SMAD6: variants seen among roughly 807,000 people sequenced by gnomAD.
The protein encoded by SMAD6 is SMAD family member 6, also known as MAD homolog 6.
Under a neutral mutation model 39.4 loss-of-function variants are expected in SMAD6, and 103 were observed. The ratio of observed to expected loss-of-function variants is 2.62; its 90% CI spans 2.23 to 3.08. SMAD6 has a LOEUF of 3.08. SMAD6 is among the 30% of genes most tolerant of loss of function. The pLI is 0.00. For missense variants in SMAD6, 1,104 were observed against 742.9 expected (o/e 1.49, Z -5.65); for synonymous variants, 445 against 353.3 (o/e 1.26, Z -2.91).
chr15:66,716,450 G>A lies in SMAD6; in HGVS notation c.904G>A (p.Glu302Lys), dbSNP rs755784409. Residue 302 changes from glutamate (E) to lysine (K), a missense_variant, in exon 3 of 4, where the codon GAA becomes AAA. By Grantham distance (56) the Glu-to-Lys change is moderately conservative. Coordinates refer to ENST00000288840, the MANE Select transcript of SMAD6 (RefSeq NM_005585.5). ...GTCCGATTCCACATTGTCTTACACT[G>A]AAACGGAGGCTACCAACTCCCTCAT... is the stretch of plus-strand genomic sequence containing the variant. ...DLSDSTLSYT[E>K]TEATNSLITA... is the part of the protein sequence containing the mutation. 6.2e-6 allele frequency: 10 copies of A among 1,613,850 alleles called. No individual in the cohort carries two copies. The African/African-American group carries it at 1.2e-4, about 19-fold the overall frequency.
In SMAD6 at chr15:66,781,075, G is replaced by T. The variant is rs2140681275; in HGVS notation, c.1031G>T (p.Gly344Val). The T allele has an allele frequency of 6.2e-7, 1 of 1,605,970 alleles. No homozygotes were observed. Among genetic ancestry groups the T allele is most frequent in the Non-Finnish European group, 8.5e-7 (1 of 1,178,980 alleles). ...TACTGGGAGCACCGGACGCGCGTGG[G>T]CCGCCTCTATGCGGTGTACGACCAG... The part of the protein sequence containing the change: ...VAYWEHRTRV[G>V]RLYAVYDQAV... The change falls in exon 4 of 4, where the codon GGC becomes GTC. Residue 344 changes from glycine (G) to valine (V), a missense_variant. Coordinates refer to ENST00000288840, the MANE Select transcript of SMAD6 (RefSeq NM_005585.5).
chr15:66,745,113 C>T (rs556320723), intron 3 of SMAD6, among the ~76,000 whole-genome samples: 105 of 152,260 alleles, frequency 6.9e-4, no homozygotes, highest in Non-Finnish European at 1.2e-3. Flanking sequence ...CTTAGCAGGA[C>T]CCTCCAAGGT....
At chr15:66,750,579 C>T (rs930389983) in intron 3 of SMAD6, among the ~76,000 whole-genome samples, 1 of 152,036 alleles carries the variant, frequency 6.6e-6, no homozygotes, top group Non-Finnish European at 1.5e-5. Context: ...GGGCAGTTTT[C>T]CCAGGAGCAG....
chr15:66,781,439 C>T lies in SMAD6; in HGVS notation c.1395C>T (p.Arg465=). ...GCCCCTACGACCCCAACAGCGTCCG[C>T]ATCAGCTTCGCCAAGGGCTGGGGGC... ...ADGPYDPNSV[R]ISFAKGWGPC... Residue 465 remains arginine, a synonymous_variant, in exon 4 of 4, where the codon CGC becomes CGT. Transcript: ENST00000288840. 6.2e-7 allele frequency: 1 copy of T among 1,605,380 alleles called. No homozygotes were observed. The highest frequency in any genetic ancestry group is 1.7e-5 in the Admixed American group (1 of 59,864).
intron 3 of SMAD6, among the ~76,000 whole-genome samples, chr15:66,735,828 G>A (rs554999904): frequency 6.6e-6 from 1 of 152,306 alleles, no homozygotes; most frequent in African/African-American, 2.4e-5. Context: ...CCACATTGGA[G>A]GGAGGCATCA....
intron 3 of SMAD6, among the ~76,000 whole-genome samples, chr15:66,731,975 G>A (rs544046306): frequency 4.3e-5 from 6 of 140,580 alleles, no homozygotes; most frequent in South Asian, 2.2e-4. Flanking sequence ...ACAGAGTCTC[G>A]TGCCATCACC....
chr15:66,750,959 G>A (rs374673021), intron 3 of SMAD6, among the ~76,000 whole-genome samples: 82 of 152,274 alleles, frequency 5.4e-4, no homozygotes, highest in African/African-American at 6.5e-4. Context: ...TGAGCAGAGC[G>A]CCGGCAGAGG....
rs550757302 is a variant in SMAD6, at chr15:66,746,970, A to G, written c.952+30472A>G. Among the ~76,000 whole-genome samples, 9 of 152,340 alleles carry G rather than the reference A, an allele frequency of 5.9e-5. No homozygotes were observed. In the South Asian group the frequency reaches 1.9e-3, roughly 32 times the overall value. On this transcript the variant is annotated intron_variant, in intron 3 of 3. Transcript: ENST00000288840. Reference sequence around the variant, plus strand: ...CTCCAAAGGGTTAATCTTGTTTTGAAGTATTAATAAGGGAAGAGTATGTTT... The same window carrying G: ...CTCCAAAGGGTTAATCTTGTTTTGAGGTATTAATAAGGGAAGAGTATGTTT...
intron 3 of SMAD6, among the ~76,000 whole-genome samples, chr15:66,726,185 G>A (rs903222774): frequency 6.6e-6 from 1 of 152,192 alleles, no homozygotes. Flanking sequence ...TGTTTCCAAA[G>A]TGAGGACTCT....
intron 3 of SMAD6, among the ~76,000 whole-genome samples, chr15:66,718,564 G>A (rs988176870): frequency 4.6e-5 from 7 of 152,242 alleles, no homozygotes; most frequent in African/African-American, 9.6e-5. Flanking sequence ...AAGGACTTTG[G>A]TGTGAGTTCT....
chr15:66,712,817 G>A (rs1893258314), intron 2 of SMAD6, among the ~76,000 whole-genome samples: 1 of 152,004 alleles, frequency 6.6e-6, no homozygotes, highest in South Asian at 2.1e-4. Context: ...GACCAGCCTG[G>A]GCAACATAGC....
At chr15:66,744,608 A>G (rs1893875854) in intron 3 of SMAD6, among the ~76,000 whole-genome samples, 1 of 152,234 alleles carries the variant, frequency 6.6e-6, no homozygotes, top group Non-Finnish European at 1.5e-5. Flanking sequence ...GAACTCCTTA[A>G]AGTAAGGTTT....
chr15:66,706,617 A>T (rs372537628), intron 1 of SMAD6: 1 of 152,316 alleles, frequency 6.6e-6, no homozygotes, highest in Non-Finnish European at 1.5e-5. Flanking sequence ...TGCGCCTTCC[A>T]GGGCTCTGGG....
chr15:66,738,499 G>T (rs772668372), intron 3 of SMAD6, among the ~76,000 whole-genome samples: 2 of 152,140 alleles, frequency 1.3e-5, no homozygotes, highest in Admixed American at 1.3e-4. Flanking sequence ...TTCCACAACC[G>T]CCATGCCCAG....
intron 2 of SMAD6, among the ~76,000 whole-genome samples, chr15:66,712,935 A>C (rs1053531356): frequency 2.6e-5 from 4 of 152,092 alleles, no homozygotes; most frequent in Non-Finnish European, 5.9e-5. Context: ...TAAGCCCAGG[A>C]GTTAGAGGCT....
intron 3 of SMAD6, among the ~76,000 whole-genome samples, chr15:66,751,534 A>T (rs1894006214): frequency 1.3e-5 from 2 of 152,200 alleles, no homozygotes; most frequent in Non-Finnish European, 1.5e-5. Flanking sequence ...ACTGAGGCCC[A>T]CAGGAACTAA....
At chr15:66,769,322 G>A (rs978774639) in intron 3 of SMAD6, among the ~76,000 whole-genome samples, 23 of 152,148 alleles carry the variant, frequency 1.5e-4, no homozygotes, top group Non-Finnish European at 2.8e-4. Context: ...GGGGCCCTGC[G>A]TTTTCATTTT....
chr15:66,702,314 G>C lies in SMAD6; in HGVS notation c.-945G>C, dbSNP rs920010859. ...GTGCGTTTGAGGAGAACAAAAAAGA[G>C]AGAGAGAGCCGAGCGGGGGAGCGAT... On this transcript the variant is annotated 5_prime_UTR_variant, in exon 1 of 4. Transcript: ENST00000288840. 2.6e-5 allele frequency: 4 copies of C among 152,244 alleles called. No homozygotes were observed. The highest frequency in any genetic ancestry group is 9.7e-5 in the African/African-American group (4 of 41,440). 9.4% of individuals were successfully genotyped at this position (152,244 alleles called of 1,614,324 possible).
chr15:66,704,262 C>G lies in SMAD6; in HGVS notation c.817+187C>G, dbSNP rs374110526. 431 of 402,164 alleles carry G rather than the reference C, an allele frequency of 1.1e-3. 2 individuals are homozygous for G. In the East Asian group the frequency reaches 0.014, roughly 13 times the overall value. 24.9% of individuals were successfully genotyped at this position (402,164 alleles called of 1,614,324 possible). ...GGAGTGGGTGTCCCAGCACACACAT[C>G]AAGTGGCAACTTTATCTCAAGGCTC... is the stretch of plus-strand genomic sequence containing the variant. On this transcript the variant is annotated intron_variant, in intron 1 of 3. Transcript: ENST00000288840.
Sources: allele counts gnomAD v4.1 joint callset (sites outside exome capture counted in the v4.1 genomes callset), GRCh38; gene constraint gnomAD v4.1.1; transcripts MANE v1.5; gene names NCBI Gene and HGNC (gene_info 2026-07-23, HGNC 2026-07-21).